FAM228B: variants seen among roughly 807,000 people sequenced by gnomAD.
FAM228B encodes the protein protein FAM228B.
A neutral mutation model predicts 42.6 loss-of-function variants in FAM228B; 38 were observed. The observed-to-expected ratio is 0.89, with a 90% CI of 0.69 to 1.17. FAM228B has a LOEUF of 1.17. Ranked by LOEUF, FAM228B falls within the 50% of genes most tolerant of loss-of-function variation. The pLI, the probability that FAM228B is intolerant of heterozygous loss-of-function variation, is 0.00. For synonymous variants in FAM228B, 109 were observed against 122.3 expected (o/e 0.89, Z 0.72); for missense variants, 344 against 367.3 (o/e 0.94, Z 0.52).
intron 3 of FAM228B, among the ~76,000 whole-genome samples, chr2:24,101,566 A>G (rs1225346146): frequency 6.6e-6 from 1 of 152,180 alleles, no homozygotes; most frequent in Non-Finnish European, 1.5e-5. Context: ...TATATTCTTA[A>G]TGATGGTAGG....
chr2:24,104,360 T>G (rs1468440374), intron 3 of FAM228B, among the ~76,000 whole-genome samples: 1 of 152,244 alleles, frequency 6.6e-6, no homozygotes, highest in African/African-American at 2.4e-5. Flanking sequence ...CTATAAGCCT[T>G]GGGCCCTGGG....
upstream of FAM228B, among the ~76,000 whole-genome samples, chr2:24,118,853 G>A (rs1210545072): frequency 6.6e-6 from 1 of 152,190 alleles, no homozygotes; most frequent in Non-Finnish European, 1.5e-5. Flanking sequence ...ATGAATGAGT[G>A]GCTGCTTTTG....
chr2:24,109,858 T>C (rs1573742111), intron 3 of FAM228B, among the ~76,000 whole-genome samples: 1 of 152,318 alleles, frequency 6.6e-6, no homozygotes, highest in East Asian at 1.9e-4. Flanking sequence ...GTTCAGCCAT[T>C]GTAGAAATAA....
At chr2:24,100,614 C>T (rs1403361745) in intron 3 of FAM228B, among the ~76,000 whole-genome samples, 1 of 152,148 alleles carries the variant, frequency 6.6e-6, no homozygotes, top group Non-Finnish European at 1.5e-5. Context: ...CAGGAAACAA[C>T]AGATGCTGGA....
chr2:24,166,054 A>AAAAATATATATATATATATATATATAT (rs56146407), intron 9 of FAM228B: 15 of 81,044 alleles, frequency 1.9e-4, no homozygotes, highest in Non-Finnish European at 3.2e-4. Flanking sequence ...AAAAAAAAAA[A>AAAAATATATATATATATATATATATAT]ATATATATAT....
intron 8 of FAM228B, among the ~76,000 whole-genome samples, chr2:24,163,721 G>A (rs576983990): frequency 1.3e-5 from 2 of 152,278 alleles, no homozygotes; most frequent in South Asian, 2.1e-4. Flanking sequence ...CTAGCAAAGC[G>A]AGACCCACGT....
At chr2:24,147,489 T>C (rs1031269321) in intron 7 of FAM228B, among the ~76,000 whole-genome samples, 1 of 152,172 alleles carries the variant, frequency 6.6e-6, no homozygotes, top group African/African-American at 2.4e-5. Context: ...GTCTACTTTT[T>C]TTCTTCCTCC....
chr2:24,098,217 A>C (rs1325932316), intron 3 of FAM228B, among the ~76,000 whole-genome samples: 1 of 152,216 alleles, frequency 6.6e-6, no homozygotes, highest in Non-Finnish European at 1.5e-5. Context: ...AATCACAATT[A>C]AAAGAACTAA....
At position 24,158,215 on chromosome 2, in the gene FAM228B, C is replaced by CTTTTTTTTTTTTTTTTTT; in HGVS notation, c.687-3291_687-3290insTTTTTTTTTTTTTTTTTT. On this transcript the variant is annotated intron_variant, in intron 7 of 10. Coordinates refer to ENST00000615575, the MANE Select transcript of FAM228B (RefSeq NM_001145710.2). ...AACCTCCTTTTTTTTTTTTTTTTTCCAAAACATTGTTCCCAAGACTCTATT... is the reference window on the plus strand; with the variant it reads ...AACCTCCTTTTTTTTTTTTTTTTTCCTTTTTTTTTTTTTTTTTTAAAACATTGTTCCCAAGACTCTATT... Among the ~76,000 whole-genome samples, 49 of 9,166 alleles carry CTTTTTTTTTTTTTTTTTT rather than the reference C, an allele frequency of 5.3e-3. 4 individuals carry two copies. Among genetic ancestry groups the CTTTTTTTTTTTTTTTTTT allele is most frequent in the Non-Finnish European group, 6.6e-3 (35 of 5,308 alleles). The allele number at this position is 9,166 out of a possible 152,430, so 6.0% of individuals were successfully genotyped here.
intron 3 of FAM228B, among the ~76,000 whole-genome samples, chr2:24,109,018 A>T (rs953387758): frequency 1.3e-5 from 2 of 152,014 alleles, no homozygotes; most frequent in Admixed American, 6.6e-5. Flanking sequence ...ACTTCAAACT[A>T]TATACTACAG....
chr2:24,166,344 T>C (rs1276404273), intron 9 of FAM228B: 2 of 152,110 alleles, frequency 1.3e-5, no homozygotes, highest in Non-Finnish European at 2.9e-5. Flanking sequence ...TCCTTCAATC[T>C]TGCCATCTTC....
At chr2:24,154,224 G>A (rs962389060) in intron 7 of FAM228B, among the ~76,000 whole-genome samples, 9 of 152,248 alleles carry the variant, frequency 5.9e-5, no homozygotes, top group Admixed American at 5.9e-4. Flanking sequence ...GCAGATAGAT[G>A]TTCAAATTTG....
At chr2:24,155,280 T>C (rs1199767372) in intron 7 of FAM228B, among the ~76,000 whole-genome samples, 3 of 151,900 alleles carry the variant, frequency 2.0e-5, no homozygotes, top group Admixed American at 1.3e-4. Flanking sequence ...TTTCCACCCT[T>C]ACTTACTTAT....
chr2:24,143,095 G>A (rs1043292441), intron 5 of FAM228B, among the ~76,000 whole-genome samples: 1 of 152,072 alleles, frequency 6.6e-6, no homozygotes, highest in Non-Finnish European at 1.5e-5. Flanking sequence ...CTGAGTTTGG[G>A]TATAGTATCA....
intron 9 of FAM228B, chr2:24,166,091 A>G (rs1223650861): frequency 2.8e-5 from 4 of 143,088 alleles, no homozygotes; most frequent in Non-Finnish European, 1.5e-5. Flanking sequence ...TCACATATAT[A>G]TAGATAGATA....
intron 1 of FAM228B, 23 bp downstream of exon 1, chr2:24,123,556 T>G (rs1214771904): frequency 6.6e-6 from 1 of 151,962 alleles, no homozygotes; most frequent in Non-Finnish European, 1.5e-5. Context: ...ATTCGCGCGT[T>G]CCGCAGACGC....
intron 5 of FAM228B, among the ~76,000 whole-genome samples, chr2:24,143,386 G>A (rs1034865214): frequency 2.0e-5 from 3 of 152,060 alleles, no homozygotes; most frequent in Non-Finnish European, 4.4e-5. Flanking sequence ...AGTAGAGATG[G>A]GGTTTCATCG....
At chr2:24,120,755 A>G (rs1166596731), upstream of FAM228B, among the ~76,000 whole-genome samples, 3 of 152,046 alleles carry the variant, frequency 2.0e-5, no homozygotes, top group Non-Finnish European at 2.9e-5. Context: ...GGGTTTCACC[A>G]TGTTAGCTAG....
At chr2:24,141,998 T>C (rs1666762857) in intron 5 of FAM228B, among the ~76,000 whole-genome samples, 1 of 152,160 alleles carries the variant, frequency 6.6e-6, no homozygotes. Flanking sequence ...TGGTAATCCA[T>C]GTCTTCAGAT....
Sources: gnomAD v4.1 joint callset for allele counts (sites outside exome capture counted in the v4.1 genomes callset) on GRCh38, gnomAD v4.1.1 for gene constraint, MANE v1.5 for transcripts, NCBI Gene and HGNC (gene_info 2026-07-23, HGNC 2026-07-21) for gene names.